The following EML1 variants were observed in gnomAD, a reference collection of about 807,000 sequenced individuals.
EML1 encodes the protein echinoderm microtubule-associated protein-like 1.
A neutral mutation model predicts 110.4 loss-of-function variants in EML1; 27 were observed. The observed-to-expected ratio is 0.24, with a 90% CI of 0.18 to 0.34. EML1 has a LOEUF of 0.34. Among genes scored for constraint, EML1 ranks in the 10% least tolerant of loss-of-function variants. The pLI is 1.00. For synonymous variants in EML1, 344 were observed against 385.8 expected, an observed-to-expected ratio of 0.89 and a Z score of 1.27; for missense variants, 741 against 1,030.9, an observed-to-expected ratio of 0.72 and a Z score of 3.85.
At chr14:99,864,471 T>A (rs2059057977) in intron 2 of EML1, among the ~76,000 whole-genome samples, 1 of 152,212 alleles carries the variant, frequency 6.6e-6, no homozygotes, top group South Asian at 2.1e-4. Context: ...ATGGGCTGTT[T>A]TAATTTTTGT....
upstream of EML1, among the ~76,000 whole-genome samples, chr14:99,771,637 C>A (rs573650051): frequency 4.6e-5 from 7 of 152,118 alleles, no homozygotes; most frequent in Non-Finnish European, 1.5e-5. Flanking sequence ...CATGGTGAAA[C>A]CCCATCTCCA....
chr14:99,827,036 C>T lies in EML1; in HGVS notation c.68-23817C>T, dbSNP rs143254065. On this transcript the variant is annotated intron_variant, in intron 1 of 21. Coordinates refer to ENST00000262233, the MANE Select transcript of EML1 (RefSeq NM_004434.3). The surrounding 1 kb of genome is among the most constrained non-coding windows in gnomAD (Gnocchi z 4.4). ...ACACGTACTAAGTGCTGAATAAATA[C>T]AGCAGTGCTGCAGGCAGTCCCAGGG... Among the ~76,000 whole-genome samples the T allele has an allele frequency of 1.7e-3, 250 of 144,472 alleles. No individual in the cohort carries two copies. Among genetic ancestry groups the T allele is most frequent in the African/African-American group, 5.8e-3 (238 of 40,952 alleles). 94.8% of individuals were successfully genotyped at this position (144,472 alleles called of 152,430 possible). A position where few individuals can be genotyped will look rare whatever the true frequency, so the allele number is the denominator to read the frequency against.
chr14:99,809,677 G>A, intron 1 of EML1: 1 of 456,106 alleles, frequency 2.2e-6, no homozygotes, highest in South Asian at 1.5e-5. Flanking sequence ...AAACCCAGAT[G>A]TTTTTTGGTA....
Position 99,911,444 on chromosome 14 carries a change from A to C in EML1, c.1362A>C (p.Ala454=). Reference sequence around the variant, plus strand: ...TAGGTACAAATCGAATAAGCTATGCAGTTCAGGGGGCCCATGAGGGTGGCA... The same window carrying C: ...TAGGTACAAATCGAATAAGCTATGCCGTTCAGGGGGCCCATGAGGGTGGCA... ...WGKGTNRISY[A]VQGAHEGGIF... is the part of the protein sequence containing the mutation. Residue 454 remains alanine, a synonymous_variant, in exon 13 of 22, where the codon GCA becomes GCC. Transcript: ENST00000262233. 1 of 1,606,294 alleles carries C rather than the reference A, an allele frequency of 6.2e-7. No individual in the cohort carries two copies. The highest frequency in any genetic ancestry group is 8.5e-7 in the Non-Finnish European group (1 of 1,178,590).
chr14:99,794,986 G>T (rs954076281), intron 1 of EML1, among the ~76,000 whole-genome samples: 5 of 152,148 alleles, frequency 3.3e-5, no homozygotes, highest in Middle Eastern at 6.3e-3. Context: ...TATTGTTTTT[G>T]ATCTAAAAAG....
chr14:99,862,531 A>G (rs1595394470), intron 2 of EML1, among the ~76,000 whole-genome samples: 1 of 152,178 alleles, frequency 6.6e-6, no homozygotes, highest in East Asian at 1.9e-4. Context: ...TATTTACCCA[A>G]TCATTTATTT....
At chr14:99,769,752 T>G (rs1164864893), upstream of EML1, among the ~76,000 whole-genome samples, 1 of 152,158 alleles carries the variant, frequency 6.6e-6, no homozygotes, top group Admixed American at 6.5e-5. Context: ...ACCACTTAAA[T>G]GTAGGGACAA....
intron 9 of EML1, among the ~76,000 whole-genome samples, chr14:99,902,207 T>C (rs2059774466): frequency 6.6e-6 from 1 of 152,104 alleles, no homozygotes; most frequent in Admixed American, 6.5e-5. Flanking sequence ...TCCACAACAG[T>C]AAAACAAAAT....
In EML1 at chr14:99,941,151, T is replaced by C. The variant is rs1434065811; in HGVS notation, c.*1039T>C. On this transcript the variant is annotated 3_prime_UTR_variant, in exon 22 of 22. Coordinates refer to ENST00000262233, the MANE Select transcript of EML1 (RefSeq NM_004434.3). ...CGACCCATTACAGTATGAGATAAGA[T>C]TGAGTTCTGATGCGTTAAACGGAGG... The C allele has an allele frequency of 6.6e-6, 1 of 152,146 alleles. No individual in the cohort carries two copies. Among genetic ancestry groups the C allele is most frequent in the Non-Finnish European group, 1.5e-5 (1 of 68,036 alleles). 9.4% of individuals were successfully genotyped at this position (152,146 alleles called of 1,614,324 possible). A position where few individuals can be genotyped will look rare whatever the true frequency, so the allele number is the denominator to read the frequency against.
rs79904228 is a variant in EML1, at chr14:99,760,810, T to C, written c.28+22950T>C. On this transcript the variant is annotated intron_variant, in intron 1 of 10. Transcript: ENST00000554479. ...TCCCATCTTATAATGGAGCAAACAG[T>C]ATCTTGCCCAATACCTGCATTCAAC... 6.6e-3 allele frequency among the ~76,000 whole-genome samples: 1,011 copies of C among 152,160 alleles called. 11 individuals are homozygous for C. The highest frequency in any genetic ancestry group is 0.024 in the African/African-American group (980 of 41,516).
In EML1 at chr14:99,909,425, C is replaced by T. The variant is rs1373230413; in HGVS notation, c.1185C>T (p.Leu395=). 2 of 1,614,062 alleles carry T rather than the reference C, an allele frequency of 1.2e-6. No homozygotes were observed. The highest frequency in any genetic ancestry group is 3.3e-5 in the Admixed American group (2 of 60,006). ...TAGTTACTTGTGGAAAATCACATCT[C>T]TACTTTTGGACACTAGAAGGAAGCT... ...NIIVTCGKSH[L]YFWTLEGSSL... is the part of the protein sequence containing the mutation. Residue 395 remains leucine, a synonymous_variant, in exon 11 of 22, where the codon CTC becomes CTT. Transcript: ENST00000262233.
intron 1 of EML1, among the ~76,000 whole-genome samples, chr14:99,799,824 T>C (rs1186509590): frequency 6.6e-6 from 1 of 152,236 alleles, no homozygotes; most frequent in East Asian, 1.9e-4. Context: ...ACATCTTTGT[T>C]TCTAGTGTTA....
intron 1 of EML1, among the ~76,000 whole-genome samples, chr14:99,775,458 A>T (rs1402886119): frequency 6.6e-6 from 1 of 152,190 alleles, no homozygotes; most frequent in Non-Finnish European, 1.5e-5. Context: ...GACAGTCAAG[A>T]TGTGAGATGG....
intron 1 of EML1, among the ~76,000 whole-genome samples, chr14:99,761,113 C>T (rs558975811): frequency 5.9e-5 from 9 of 152,250 alleles, no homozygotes; most frequent in African/African-American, 1.9e-4. Flanking sequence ...CTGGGAGGCA[C>T]GATTTTTATT....
chr14:99,772,931 G>A (rs760601069), upstream of EML1: 1 of 152,160 alleles, frequency 6.6e-6, no homozygotes, highest in Non-Finnish European at 1.5e-5. Context: ...TAAAATACAA[G>A]AATTTCTCCC....
chr14:99,762,547 C>T (rs1350022874), intron 1 of EML1, among the ~76,000 whole-genome samples: 1 of 152,184 alleles, frequency 6.6e-6, no homozygotes, highest in African/African-American at 2.4e-5. Flanking sequence ...CCTATAATCC[C>T]AGCACTTTGG....
chr14:99,892,342 C>A (rs566130507), intron 5 of EML1: 3 of 416,262 alleles, frequency 7.2e-6, no homozygotes, highest in East Asian at 3.1e-4. Context: ...TTAAGTTAAA[C>A]GCATCCCTGA....
chr14:99,759,069 G>A (rs2057287225), intron 1 of EML1, among the ~76,000 whole-genome samples: 1 of 152,230 alleles, frequency 6.6e-6, no homozygotes, highest in Admixed American at 6.5e-5. Flanking sequence ...CCAGATGAGT[G>A]ATTTACATGT....
chr14:99,849,543 T>A (rs962449505), intron 1 of EML1, among the ~76,000 whole-genome samples: 2 of 149,298 alleles, frequency 1.3e-5, no homozygotes, highest in African/African-American at 4.9e-5. Flanking sequence ...ATATATTTAT[T>A]TATTTATTTA....
Sources: allele counts gnomAD v4.1 joint callset (sites outside exome capture counted in the v4.1 genomes callset), GRCh38; gene constraint gnomAD v4.1.1; non-coding constraint Gnocchi (gnomAD v3.1); transcripts MANE v1.5; gene names NCBI Gene and HGNC (gene_info 2026-07-23, HGNC 2026-07-21).